DMD: variants seen among roughly 807,000 people sequenced by gnomAD.
DMD encodes mutant dystrophin.
In DMD, 63 loss-of-function variants were observed where a neutral mutation model predicts 330.1. That is an observed-to-expected ratio of 0.19 (90% CI 0.16 to 0.24). The LOEUF (loss-of-function observed/expected upper bound fraction) is 0.24, where lower values mean the gene tolerates loss of function less well. Among genes scored for constraint, DMD ranks in the 10% least tolerant of loss-of-function variants. The pLI, the probability that DMD is intolerant of heterozygous loss-of-function variation, is 1.00. For synonymous variants in DMD, 1,223 were observed against 959.8 expected (o/e 1.27, Z -5.07); for missense variants, 3,344 against 2,684.1 (o/e 1.25, Z -5.43).
chrX:32,555,050 A>G (rs950986619), intron 16 of DMD, among the ~76,000 whole-genome samples: 1 of 109,546 alleles, frequency 9.1e-6, no homozygotes, highest in Non-Finnish European at 1.9e-5. Context: ...TGATGCAACA[A>G]TTCTCAATAC....
intron 57 of DMD, among the ~76,000 whole-genome samples, chrX:31,483,248 G>T (rs192423285): frequency 2.8e-5 from 3 of 108,437 alleles, no homozygotes; most frequent in South Asian, 4.1e-4. Context: ...GGGTTTCACC[G>T]TGTTAGCCAG....
chrX:32,657,757 A>C (rs1038168230), intron 9 of DMD, among the ~76,000 whole-genome samples: 12 of 112,175 alleles, frequency 1.1e-4, no homozygotes, highest in African/African-American at 3.9e-4. Flanking sequence ...ATAGTTACAA[A>C]ATGTCTCAGA....
chrX:32,389,737 T>C, intron 31 of DMD, 63 bp from the exon 32 acceptor site: 2 of 1,021,454 alleles, frequency 2.0e-6, no homozygotes, highest in Non-Finnish European at 2.7e-6. Flanking sequence ...ACTGGTCCTA[T>C]TTTTATTGAT....
intron 44 of DMD, among the ~76,000 whole-genome samples, chrX:32,115,060 C>G (rs2096604620): frequency 8.9e-6 from 1 of 111,825 alleles, no homozygotes; most frequent in African/African-American, 3.3e-5. Flanking sequence ...TCCCACTTGC[C>G]TGGTTTTCTC....
chrX:31,737,920 T>C (rs945330400), intron 51 of DMD, among the ~76,000 whole-genome samples: 2 of 111,674 alleles, frequency 1.8e-5, no homozygotes, highest in Non-Finnish European at 3.8e-5. Flanking sequence ...ATGGGCTGGT[T>C]AGAGCCTGGA....
chrX:31,494,279 G>C (rs1488128450), intron 57 of DMD, among the ~76,000 whole-genome samples: 1 of 111,021 alleles, frequency 9.0e-6, no homozygotes, highest in Non-Finnish European at 1.9e-5. Flanking sequence ...AAAATATTTA[G>C]TTAGAGTCTC....
chrX:32,049,561 G>A (rs1416685458), intron 44 of DMD, among the ~76,000 whole-genome samples: 2 of 111,073 alleles, frequency 1.8e-5, no homozygotes, highest in Non-Finnish European at 3.8e-5. Context: ...TTCTATAAGC[G>A]AGCCCCCTCC....
intron 51 of DMD, among the ~76,000 whole-genome samples, chrX:31,761,880 A>T (rs756442364): frequency 4.7e-4 from 53 of 112,519 alleles, no homozygotes; most frequent in African/African-American, 1.7e-3. Context: ...TGCATTATTA[A>T]GAGTATCTTG....
chrX:32,323,207 A>G (rs760808862), intron 41 of DMD, among the ~76,000 whole-genome samples: 1 of 112,077 alleles, frequency 8.9e-6, no homozygotes, highest in Non-Finnish European at 1.9e-5. Flanking sequence ...GATGATATGA[A>G]GTGTTCAGGA....
At chrX:32,852,591 G>A (rs1199711585) in intron 2 of DMD, among the ~76,000 whole-genome samples, 1 of 111,311 alleles carries the variant, frequency 9.0e-6, no homozygotes, top group African/African-American at 3.3e-5. Flanking sequence ...AAGCTCCTGG[G>A]TTCTCTGATT....
intron 47 of DMD, among the ~76,000 whole-genome samples, chrX:31,912,610 G>C (rs1389680147): frequency 8.9e-6 from 1 of 111,799 alleles, no homozygotes; most frequent in Non-Finnish European, 1.9e-5. Flanking sequence ...CTTGAGCCTA[G>C]TTATAATGAT....
intron 1 of DMD, among the ~76,000 whole-genome samples, chrX:33,107,010 C>G (rs917446361): frequency 4.5e-5 from 5 of 111,628 alleles, no homozygotes; most frequent in Non-Finnish European, 7.5e-5. Context: ...AAAGAGAAAG[C>G]TTTCGAAAAG....
chrX:32,339,814 C>G (rs2038871), intron 41 of DMD, among the ~76,000 whole-genome samples: 23,674 of 111,051 alleles, frequency 0.21, 2,667 homozygotes, highest in African/African-American at 0.43. Flanking sequence ...TTTAAGCCTA[C>G]AGTTTATATC....
At chrX:32,935,696 A>G (rs1459155076) in intron 2 of DMD, among the ~76,000 whole-genome samples, 1 of 111,404 alleles carries the variant, frequency 9.0e-6, no homozygotes, top group Non-Finnish European at 1.9e-5. Flanking sequence ...ACATTAAAGA[A>G]TATTTGGAAA....
chrX:31,863,657 ATATATT>A (rs1181351697), intron 48 of DMD, among the ~76,000 whole-genome samples: 9 of 111,921 alleles, frequency 8.0e-5, no homozygotes, highest in African/African-American at 2.9e-4. Flanking sequence ...CAAAAGGTAC[ATATATT>A]TAGGTTATTT....
chrX:32,500,939 A>T (rs1449859306), intron 19 of DMD, among the ~76,000 whole-genome samples: 3 of 112,213 alleles, frequency 2.7e-5, no homozygotes, highest in African/African-American at 9.7e-5. Flanking sequence ...GCACAACAAA[A>T]ACATTTGTTG....
chrX:32,820,665 C>T (rs781118089), intron 5 of DMD, among the ~76,000 whole-genome samples: 2 of 111,233 alleles, frequency 1.8e-5, no homozygotes, highest in South Asian at 7.7e-4. Flanking sequence ...AGTTCTTCTG[C>T]TGGCTTTGTC....
intron 60 of DMD, among the ~76,000 whole-genome samples, chrX:31,415,572 T>C (rs1369286435): frequency 1.8e-5 from 2 of 111,970 alleles, no homozygotes; most frequent in African/African-American, 6.5e-5. Context: ...TCTGGTAAAT[T>C]AGGAGGAGTC....
At chrX:32,332,833 C>T (rs1036782814) in intron 41 of DMD, among the ~76,000 whole-genome samples, 10 of 108,020 alleles carry the variant, frequency 9.3e-5, no homozygotes, top group African/African-American at 3.6e-4. Context: ...AGAAAGCATG[C>T]GTAGATTTTT....
Sources: allele counts gnomAD v4.1 joint callset (sites outside exome capture counted in the v4.1 genomes callset), GRCh38; gene constraint gnomAD v4.1.1; transcripts MANE v1.5; gene names NCBI Gene and HGNC (gene_info 2026-07-23, HGNC 2026-07-21).